Variants in BCR observed in about 807,000 individuals in gnomAD.
BCR encodes BCR activator of RhoGEF and GTPase.
A neutral mutation model predicts 138.6 loss-of-function variants in BCR; 58 were observed. That is an observed-to-expected ratio of 0.42 (90% CI 0.34 to 0.52). The LOEUF is 0.52. BCR is among the 20% of genes least tolerant of loss of function. The probability of loss-of-function intolerance (pLI) is 0.06; values close to 1 mark genes in which losing one functional copy is unlikely to be tolerated. For synonymous variants in BCR, 786 were observed against 730.1 expected (o/e 1.08, Z -1.23); for missense variants, 1,599 against 1,727.2 (o/e 0.93, Z 1.32).
chr22:23,181,483 C>G lies in BCR; in HGVS notation c.523C>G (p.Pro175Ala). Residue 175 changes from proline to alanine, a missense_variant, in exon 1 of 23, where the codon CCC becomes GCC. Pro to Ala is a conservative substitution (Grantham distance 27). Coordinates refer to ENST00000305877, the MANE Select transcript of BCR (RefSeq NM_004327.4). ...HGQPGADAEKPFYVNVEFHHE... is the reference protein window; with the variant it reads ...HGQPGADAEKAFYVNVEFHHE... ...CCAGCCCGGGGCGGACGCCGAGAAG[C>G]CCTTCTACGTGAACGTCGAGTTTCA... 1 of 1,611,008 alleles carries G rather than the reference C, an allele frequency of 6.2e-7. No individual in the cohort carries two copies. The highest frequency in any genetic ancestry group is 8.5e-7 in the Non-Finnish European group (1 of 1,178,526).
At chr22:23,182,810 C>A (rs1164364983) in intron 1 of BCR, among the ~76,000 whole-genome samples, 3 of 152,182 alleles carry the variant, frequency 2.0e-5, no homozygotes, top group Non-Finnish European at 4.4e-5. Flanking sequence ...CAAGTCACAG[C>A]AGGTGAGAAT....
chr22:23,306,551 TG>T (rs1160227516), intron 16 of BCR, among the ~76,000 whole-genome samples: 1 of 152,238 alleles, frequency 6.6e-6, no homozygotes, highest in Non-Finnish European at 1.5e-5. Flanking sequence ...TCAGCTTTTC[TG>T]GGCTTTAGAG....
chr22:23,255,319 C>T (rs901190251), intron 2 of BCR, among the ~76,000 whole-genome samples: 11 of 152,148 alleles, frequency 7.2e-5, no homozygotes, highest in Admixed American at 5.9e-4. Context: ...AGGTAGCTTC[C>T]TATCCCACGT....
chr22:23,277,708 C>T (rs1041026385), intron 8 of BCR, among the ~76,000 whole-genome samples: 2 of 152,166 alleles, frequency 1.3e-5, no homozygotes, highest in Non-Finnish European at 2.9e-5. Flanking sequence ...CGAGGAGAGG[C>T]CCAGGTATGA....
At chr22:23,274,706 G>A (rs553900325) in intron 8 of BCR, among the ~76,000 whole-genome samples, 2 of 152,048 alleles carry the variant, frequency 1.3e-5, no homozygotes, top group East Asian at 1.9e-4. Context: ...TCAAGAATTC[G>A]AGACCAGCCT....
rs2267017 is a variant in BCR, at chr22:23,222,536, T to C, written c.1280-31263T>C. Reference sequence around the variant, plus strand: ...TCCCGAGGAAGGAGGCAGAGGAGTGTAGATTTTGTAGAGAAGGCTAAGAGA... The same window carrying C: ...TCCCGAGGAAGGAGGCAGAGGAGTGCAGATTTTGTAGAGAAGGCTAAGAGA... On this transcript the variant is annotated intron_variant, in intron 1 of 22. Coordinates refer to ENST00000305877, the MANE Select transcript of BCR (RefSeq NM_004327.4). Among the ~76,000 whole-genome samples the C allele has an allele frequency of 1.5e-3, 224 of 152,124 alleles. 7 individuals carry two copies. In the East Asian group the frequency reaches 0.041, roughly 28 times the overall value.
At chr22:23,183,701 C>T (rs1391689421) in intron 1 of BCR, among the ~76,000 whole-genome samples, 1 of 152,150 alleles carries the variant, frequency 6.6e-6, no homozygotes, top group Admixed American at 6.5e-5. Flanking sequence ...GCCCTCAGTG[C>T]CATGGTGCAG....
In BCR at chr22:23,235,420, G is replaced by A. The variant is rs188657422; in HGVS notation, c.1280-18379G>A. Among the ~76,000 whole-genome samples, 90 of 144,748 alleles carry A rather than the reference G, an allele frequency of 6.2e-4. 4 individuals carry two copies. The highest frequency in any genetic ancestry group is 2.2e-3 in the African/African-American group (90 of 41,024). The allele number at this position is 144,748 out of a possible 152,430, so 95.0% of individuals were successfully genotyped here. A position where few individuals can be genotyped will look rare whatever the true frequency, so the allele number is the denominator to read the frequency against. On this transcript the variant is annotated intron_variant, in intron 1 of 22. Transcript: ENST00000305877. Reference sequence around the variant, plus strand: ...ATTCCCTGAAAGCAGCTGTGCTGTTGCCCTGCCCTCTGGGGCACAATGTTA... The same window carrying A: ...ATTCCCTGAAAGCAGCTGTGCTGTTACCCTGCCCTCTGGGGCACAATGTTA...
chr22:23,241,635 C>T (rs997530017), intron 1 of BCR, among the ~76,000 whole-genome samples: 6 of 152,300 alleles, frequency 3.9e-5, no homozygotes, highest in Non-Finnish European at 7.4e-5. Flanking sequence ...GGACTAGAAG[C>T]TCAGCATCCC....
At chr22:23,278,164 A>T (rs2073601264) in intron 8 of BCR, among the ~76,000 whole-genome samples, 1 of 152,216 alleles carries the variant, frequency 6.6e-6, no homozygotes, top group South Asian at 2.1e-4. Flanking sequence ...CGTGCTGCTC[A>T]GCACCCCCTC....
At chr22:23,248,241 G>A (rs954743979) in intron 1 of BCR, among the ~76,000 whole-genome samples, 2 of 152,046 alleles carry the variant, frequency 1.3e-5, no homozygotes, top group African/African-American at 4.8e-5. Flanking sequence ...CTACTTGGGA[G>A]GCCAAGGCAG....
chr22:23,263,128 G>T, intron 4 of BCR: 1 of 710,600 alleles, frequency 1.4e-6, no homozygotes, highest in South Asian at 1.9e-5. Flanking sequence ...CCGGGGACAG[G>T]GGCGGCCATG....
At chr22:23,312,025 A>G in intron 19 of BCR, 189 bp downstream of exon 19, 2 of 1,189,966 alleles carry the variant, frequency 1.7e-6, no homozygotes, top group Non-Finnish European at 2.3e-6. Flanking sequence ...CCAGTTTTTA[A>G]ACCATCCTAG....
At chr22:23,314,340 G>A (rs557621907) in intron 21 of BCR, among the ~76,000 whole-genome samples, 4 of 152,216 alleles carry the variant, frequency 2.6e-5, no homozygotes, top group East Asian at 1.9e-4. Flanking sequence ...TCTTCCCTCC[G>A]AGTCACATCA....
At chr22:23,245,425 G>T (rs1186883401) in intron 1 of BCR, among the ~76,000 whole-genome samples, 4 of 152,090 alleles carry the variant, frequency 2.6e-5, no homozygotes, top group Non-Finnish European at 5.9e-5. Context: ...TCATTGTTGG[G>T]GTACGGCATG....
intron 1 of BCR, among the ~76,000 whole-genome samples, chr22:23,220,773 A>G: frequency 6.6e-6 from 1 of 152,036 alleles, no homozygotes; most frequent in Admixed American, 6.5e-5. Flanking sequence ...AGTAACCTCC[A>G]CCCTCACTGC....
chr22:23,214,600 G>A (rs944998005), intron 1 of BCR, among the ~76,000 whole-genome samples: 3 of 152,176 alleles, frequency 2.0e-5, no homozygotes, highest in African/African-American at 2.4e-5. Context: ...GGGTAGGGAC[G>A]GGGAAGCTGT....
rs377423326 is a variant in BCR, at chr22:23,315,938, C to T, written c.*416C>T. ...CCCTCACTGTTGTATCTTGAATAAA[C>T]GCTGCTGCTTCATCCTGTGGGGGCC... On this transcript the variant is annotated 3_prime_UTR_variant, in exon 23 of 23. Transcript: ENST00000305877. 2.8e-4 allele frequency: 109 copies of T among 387,570 alleles called. 1 individual carries two copies. The highest frequency in any genetic ancestry group is 1.3e-3 in the East Asian group (29 of 21,492). The allele number at this position is 387,570 out of a possible 1,614,324, so 24.0% of individuals were successfully genotyped here.
intron 2 of BCR, among the ~76,000 whole-genome samples, chr22:23,258,453 C>T (rs1271408003): frequency 6.6e-6 from 1 of 152,204 alleles, no homozygotes; most frequent in Non-Finnish European, 1.5e-5. Flanking sequence ...TATACCATGA[C>T]ATGCCTCCCT....
Sources: gnomAD v4.1 joint callset for allele counts (sites outside exome capture counted in the v4.1 genomes callset) on GRCh38, gnomAD v4.1.1 for gene constraint, MANE v1.5 for transcripts, NCBI Gene and HGNC (gene_info 2026-07-23, HGNC 2026-07-21) for gene names.